The following CCBE1 variants were observed in gnomAD, a reference collection of about 807,000 sequenced individuals.
The protein encoded by CCBE1 is collagen and calcium binding EGF domains 1, also known as collagen and calcium-binding EGF domain-containing protein 1.
Under a neutral mutation model 50.0 loss-of-function variants are expected in CCBE1, and 37 were observed. That is an observed-to-expected ratio of 0.74 (90% CI 0.57 to 0.97). The LOEUF (loss-of-function observed/expected upper bound fraction) is 0.97, where lower values mean the gene tolerates loss of function less well. Ranked by LOEUF, CCBE1 falls within the 50% of genes least tolerant of loss-of-function variation. CCBE1 has a pLI of 0.00. For synonymous variants in CCBE1, 234 were observed against 203.7 expected (o/e 1.15, Z -1.27); for missense variants, 538 against 523.8 (o/e 1.03, Z -0.26).
At position 59,439,762 on chromosome 18, in the gene CCBE1, C is replaced by G; in HGVS notation, c.830G>C (p.Gly277Ala). The G allele has an allele frequency of 6.2e-7, 1 of 1,614,178 alleles. No individual in the cohort carries two copies. Among genetic ancestry groups the G allele is most frequent in the Non-Finnish European group, 8.5e-7 (1 of 1,180,024 alleles). Residue 277 changes from glycine (G) to alanine (A), a missense_variant, in exon 8 of 11, where the codon GGG (glycine) becomes GCG (alanine). By Grantham distance (60) the Gly-to-Ala change is moderately conservative. Coordinates refer to ENST00000439986, the MANE Select transcript of CCBE1 (RefSeq NM_133459.4). ...CATTGAGCCCCGTGGGCCGGGCTGC[C>G]CAGGAGGGCCTGGCATACCGGGGAA... ...PGFPGMPGPP[G>A]QPGPRGSMGP...
At chr18:59,604,427 T>C (rs770868785) in intron 2 of CCBE1, among the ~76,000 whole-genome samples, 16 of 152,118 alleles carry the variant, frequency 1.1e-4, no homozygotes, top group Non-Finnish European at 1.8e-4. Context: ...AGAACAGAGA[T>C]ACCTATCCAG....
intron 2 of CCBE1, among the ~76,000 whole-genome samples, chr18:59,551,023 A>AAAAAG (rs1915903947): frequency 2.1e-5 from 3 of 141,506 alleles, no homozygotes; most frequent in African/African-American, 8.3e-5. Flanking sequence ...AAAAAAAAAA[A>AAAAAG]AAAAAAGAAA....
intron 2 of CCBE1, among the ~76,000 whole-genome samples, chr18:59,487,870 G>A (rs971712369): frequency 6.6e-6 from 1 of 152,166 alleles, no homozygotes; most frequent in African/African-American, 2.4e-5. Flanking sequence ...ATTGAAAGCA[G>A]GGACTCAAAC....
intron 7 of CCBE1, among the ~76,000 whole-genome samples, chr18:59,447,344 G>A (rs1364481770): frequency 2.0e-5 from 3 of 152,154 alleles, no homozygotes; most frequent in African/African-American, 4.8e-5. Flanking sequence ...ATGTGCACAT[G>A]GACAGAAGGG....
chr18:59,510,891 C>G (rs1914103771), intron 2 of CCBE1, among the ~76,000 whole-genome samples: 1 of 152,222 alleles, frequency 6.6e-6, no homozygotes. Flanking sequence ...TCTCCTGAAT[C>G]TCTCTTACTG....
intron 2 of CCBE1, among the ~76,000 whole-genome samples, chr18:59,664,835 A>C (rs1472378356): frequency 6.6e-6 from 1 of 152,222 alleles, no homozygotes; most frequent in Non-Finnish European, 1.5e-5. Context: ...GGGCACTATT[A>C]ATAATCACAA....
chr18:59,582,543 C>A (rs1440087165), intron 2 of CCBE1, among the ~76,000 whole-genome samples: 2 of 152,162 alleles, frequency 1.3e-5, no homozygotes, highest in Non-Finnish European at 2.9e-5. Flanking sequence ...AGACTCTTGG[C>A]TTAAGAACTC....
intron 2 of CCBE1, among the ~76,000 whole-genome samples, chr18:59,568,013 CTATTTTTT>C (rs2052855403): frequency 6.6e-6 from 1 of 152,072 alleles, no homozygotes; most frequent in Admixed American, 6.5e-5. Flanking sequence ...TATTCTTTTT[CTATTTTTT>C]TAAGTCCGAA....
chr18:59,497,730 C>G (rs554579967), intron 2 of CCBE1, among the ~76,000 whole-genome samples: 131 of 152,322 alleles, frequency 8.6e-4, no homozygotes, highest in African/African-American at 3.0e-3. Context: ...CTATGGTCCA[C>G]AGGCCCTTCC....
chr18:59,442,341 A>G (rs764329586), intron 7 of CCBE1, among the ~76,000 whole-genome samples: 2 of 152,228 alleles, frequency 1.3e-5, no homozygotes, highest in African/African-American at 2.4e-5. Flanking sequence ...CAGTATATCT[A>G]TAGTATAATG....
At chr18:59,487,560 C>T (rs1009553699) in intron 2 of CCBE1, among the ~76,000 whole-genome samples, 17 of 152,052 alleles carry the variant, frequency 1.1e-4, no homozygotes, top group Admixed American at 5.2e-4. Flanking sequence ...CCCAGGCAAA[C>T]GTTAAGAGTA....
intron 7 of CCBE1, among the ~76,000 whole-genome samples, 164 bp from the exon 8 acceptor site, chr18:59,439,980 C>A (rs11152148): frequency 6.6e-6 from 1 of 152,158 alleles, no homozygotes; most frequent in East Asian, 1.9e-4. Flanking sequence ...AAACTTGATA[C>A]GATCAAAAGC....
chr18:59,652,042 GTC>G (rs1253345350), intron 2 of CCBE1, among the ~76,000 whole-genome samples: 1 of 151,786 alleles, frequency 6.6e-6, no homozygotes, highest in Non-Finnish European at 1.5e-5. Flanking sequence ...ACCCTTCCCA[GTC>G]TCTTATTTTT....
rs1423706122 is a variant in CCBE1, at chr18:59,697,236, C to T, written c.107G>A (p.Arg36Lys). The change falls in exon 1 of 11, where the codon AGA (arginine) becomes AAA (lysine). Residue 36 changes from arginine (R) to lysine (K), a missense_variant. Physicochemically the swap from Arg to Lys is conservative, Grantham distance 26. Transcript: ENST00000439986. ...CCTGTCGCCGTCCTCCGGCTCCTCT[C>T]TGTAGGTCCACGTGTGTCCCAACGC... ...LLALGHTWTY[R>K]EEPEDGDREI... is the part of the protein sequence containing the mutation. The T allele has an allele frequency of 1.3e-6, 2 of 1,549,192 alleles. No homozygotes were observed. Among genetic ancestry groups the T allele is most frequent in the African/African-American group, 2.7e-5 (2 of 73,124 alleles).
chr18:59,522,681 C>G (rs952076261), intron 2 of CCBE1, among the ~76,000 whole-genome samples: 1 of 152,046 alleles, frequency 6.6e-6, no homozygotes, highest in African/African-American at 2.4e-5. Context: ...TCACAGTAGC[C>G]CCAGCTGGGA....
chr18:59,622,808 A>G (rs2053730510), intron 2 of CCBE1, among the ~76,000 whole-genome samples: 1 of 131,914 alleles, frequency 7.6e-6, no homozygotes, highest in Non-Finnish European at 1.5e-5. Context: ...TCTCAAAAAA[A>G]AAAGAAAGAA....
intron 2 of CCBE1, among the ~76,000 whole-genome samples, chr18:59,513,904 C>A (rs549822071): frequency 2.4e-4 from 37 of 152,276 alleles, no homozygotes; most frequent in Non-Finnish European, 4.4e-4. Flanking sequence ...ACCCCCTATG[C>A]CACACTTGGG....
intron 2 of CCBE1, among the ~76,000 whole-genome samples, chr18:59,578,341 T>C (rs560492823): frequency 1.6e-4 from 25 of 152,304 alleles, no homozygotes; most frequent in South Asian, 6.2e-4. Flanking sequence ...GTTTTTACAC[T>C]GTTGGTGGGA....
rs535212950 is a variant in CCBE1, at chr18:59,648,358, C to T, written c.212+48271G>A. 1.3e-3 allele frequency among the ~76,000 whole-genome samples: 199 copies of T among 152,220 alleles called. 1 individual carries two copies. Among genetic ancestry groups the T allele is most frequent in the African/African-American group, 4.6e-3 (189 of 41,460 alleles). Reference sequence around the variant, plus strand: ...CCGGGTGGCTGGGCCTCACAGAACCCTGTGACAGACTAACCTCAGTTTCTG... The same window carrying T: ...CCGGGTGGCTGGGCCTCACAGAACCTTGTGACAGACTAACCTCAGTTTCTG... On this transcript the variant is annotated intron_variant, in intron 2 of 10. Coordinates refer to ENST00000439986, the MANE Select transcript of CCBE1 (RefSeq NM_133459.4).
Sources: gnomAD v4.1 joint callset for allele counts (sites outside exome capture counted in the v4.1 genomes callset) on GRCh38, gnomAD v4.1.1 for gene constraint, MANE v1.5 for transcripts, NCBI Gene and HGNC (gene_info 2026-07-23, HGNC 2026-07-21) for gene names.